UBR3: variants seen among roughly 807,000 people sequenced by gnomAD.
The protein encoded by UBR3 is ubiquitin protein ligase E3 component n-recognin 3.
UBR3 carries 85 observed loss-of-function variants against 243.2 expected under a neutral mutation model. The observed-to-expected ratio is 0.35, with a 90% CI of 0.29 to 0.42. The LOEUF (loss-of-function observed/expected upper bound fraction) is 0.42. Among genes scored for constraint, UBR3 ranks in the 10% least tolerant of loss-of-function variants. The pLI is 1.00. For synonymous variants in UBR3, 748 were observed against 799.8 expected, an observed-to-expected ratio of 0.94 and a Z score of 1.09; for missense variants, 1,686 against 2,300.8, an observed-to-expected ratio of 0.73 and a Z score of 5.47.
In UBR3 at chr2:169,928,747, C is replaced by A. The variant is rs1395508865; in HGVS notation, c.2445C>A (p.Pro815=). 1.3e-6 allele frequency: 2 copies of A among 1,489,912 alleles called. No individual in the cohort carries two copies. Among genetic ancestry groups the A allele is most frequent in the South Asian group, 2.7e-5 (2 of 75,412 alleles). The allele number at this position is 1,489,912 out of a possible 1,614,324, so 92.3% of individuals were successfully genotyped here. A position where few individuals can be genotyped will look rare whatever the true frequency, so the allele number is the denominator to read the frequency against. The change falls in exon 18 of 39, where the codon CCC becomes CCA. Residue 815 remains proline (P), a synonymous_variant. Coordinates refer to ENST00000272793, the MANE Select transcript of UBR3 (RefSeq NM_172070.4). ...ATCATATTCCAGAAAATCCTAATCC[C>A]AAAAGTGGCATTATTCCAGGCAGTT... ...LLDLIPENPN[P]KSGIIPGSYS...
At chr2:169,913,875 C>T (rs1167411679) in intron 10 of UBR3, among the ~76,000 whole-genome samples, 185 bp from the exon 11 acceptor site, 2 of 151,954 alleles carry the variant, frequency 1.3e-5, no homozygotes, top group African/African-American at 2.4e-5. Flanking sequence ...TATTGACTTA[C>T]TTAATTTTCA....
At chr2:169,976,282 T>G (rs554814306) in intron 24 of UBR3, among the ~76,000 whole-genome samples, 1 of 152,102 alleles carries the variant, frequency 6.6e-6, no homozygotes, top group Non-Finnish European at 1.5e-5. Context: ...TGTGTTTTAG[T>G]GATTTTCTGT....
chr2:169,926,582 CAAAAACAAAAAACA>C (rs140309188), intron 14 of UBR3, 96 bp from the exon 15 acceptor site: 85 of 1,133,666 alleles, frequency 7.5e-5, no homozygotes, highest in Admixed American at 3.1e-4. Context: ...GACTCTGTCT[CAAAAACAAAAAACA>C]AAAAACAAAA....
At position 169,986,700 on chromosome 2, in the gene UBR3, C is replaced by T. The variant is rs140049693; in HGVS notation, c.3690C>T (p.Ser1230=). The T allele has an allele frequency of 1.3e-4, 215 of 1,613,958 alleles. No individual in the cohort carries two copies. In the African/African-American group the frequency reaches 2.5e-3, roughly 19 times the overall value. ...MEITTAEPQV[S]EAVYDCVICG... ...TCACCACGGCAGAACCACAGGTTTC[C>T]GAGGCAGTATATGACTGTGTTATTT... Residue 1230 remains serine (S), a synonymous_variant, in exon 25 of 39, where the codon TCC becomes TCT. Coordinates refer to ENST00000272793, the MANE Select transcript of UBR3 (RefSeq NM_172070.4).
chr2:169,881,275 G>T (rs185110375), intron 5 of UBR3, among the ~76,000 whole-genome samples: 2 of 151,828 alleles, frequency 1.3e-5, no homozygotes, highest in African/African-American at 2.4e-5. Context: ...CACCTCCCGG[G>T]TTCAAGCGAT....
At chr2:169,849,102 C>T (rs554076380) in intron 1 of UBR3, among the ~76,000 whole-genome samples, 137 of 152,274 alleles carry the variant, frequency 9.0e-4, no homozygotes, top group African/African-American at 3.1e-3. Context: ...AGCCTGGGCT[C>T]CAGAGTCGGC....
intron 1 of UBR3, among the ~76,000 whole-genome samples, chr2:169,840,854 G>A (rs2082266458): frequency 6.6e-6 from 1 of 152,138 alleles, no homozygotes; most frequent in Non-Finnish European, 1.5e-5. Flanking sequence ...CAGCATCTGG[G>A]CCCACTTGAA....
intron 35 of UBR3, among the ~76,000 whole-genome samples, chr2:170,072,645 A>G (rs1247003213): frequency 6.6e-6 from 1 of 152,100 alleles, no homozygotes; most frequent in Non-Finnish European, 1.5e-5. Flanking sequence ...TTGAAGGACT[A>G]ATTATATCTG....
At chr2:169,968,563 TAC>T (rs1298084231) in intron 24 of UBR3, among the ~76,000 whole-genome samples, 1 of 152,034 alleles carries the variant, frequency 6.6e-6, no homozygotes, top group Non-Finnish European at 1.5e-5. Flanking sequence ...TTCCATTCTA[TAC>T]ACACACACAC....
intron 1 of UBR3, among the ~76,000 whole-genome samples, chr2:169,842,237 G>A (rs894936865): frequency 6.6e-6 from 1 of 152,112 alleles, no homozygotes; most frequent in Non-Finnish European, 1.5e-5. Flanking sequence ...GTATCTAGCT[G>A]CTCTCGTGGG....
intron 1 of UBR3, among the ~76,000 whole-genome samples, chr2:169,856,051 C>A (rs1486834837): frequency 6.6e-6 from 1 of 150,972 alleles, no homozygotes. Flanking sequence ...GGCTGCTGGG[C>A]GGAGGGGCTC....
At chr2:169,989,859 T>C (rs767331265) in intron 25 of UBR3, among the ~76,000 whole-genome samples, 8 of 152,200 alleles carry the variant, frequency 5.3e-5, no homozygotes, top group Non-Finnish European at 1.2e-4. Context: ...TCCATCTTTG[T>C]TCACTGAGAG....
chr2:169,877,680 A>T lies in UBR3; in HGVS notation c.988+43A>T, dbSNP rs919113251. On this transcript the variant is annotated intron_variant, in intron 4 of 38. Transcript: ENST00000272793. ...ATTTGAACAGTTGTAACTTTTCTGT[A>T]TTAAAACCAAAAAAACCTCTCAAAC... 53 of 1,501,878 alleles carry T rather than the reference A, an allele frequency of 3.5e-5. No individual in the cohort carries two copies. The East Asian group carries it at 9.8e-4, about 28-fold the overall frequency. 93.0% of individuals were successfully genotyped at this position (1,501,878 alleles called of 1,614,324 possible).
At position 169,867,685 on chromosome 2, in the gene UBR3, C is replaced by G. The variant is rs555425207; in HGVS notation, c.546-4551C>G. ...AACGAATTAGTAAAGGGAATCTTTC[C>G]TGATCTGCAAGATCAAAAACTGTTT... is the stretch of plus-strand genomic sequence containing the variant. On this transcript the variant is annotated intron_variant, in intron 1 of 38. Transcript: ENST00000272793. 2.6e-5 allele frequency among the ~76,000 whole-genome samples: 4 copies of G among 152,268 alleles called. No homozygotes were observed. The East Asian group carries it at 7.7e-4, about 29-fold the overall frequency.
intron 23 of UBR3, among the ~76,000 whole-genome samples, chr2:169,956,200 A>G (rs909685652): frequency 6.2e-5 from 4 of 64,724 alleles, no homozygotes; most frequent in African/African-American, 1.3e-4. Flanking sequence ...CCTGACACCT[A>G]TAACTCTCTC....
chr2:169,884,887 A>G (rs1441877253), intron 5 of UBR3, among the ~76,000 whole-genome samples: 1 of 152,224 alleles, frequency 6.6e-6, no homozygotes, highest in Non-Finnish European at 1.5e-5. Flanking sequence ...TAATTATTAT[A>G]GAATAGAATA....
chr2:169,953,343 A>G (rs1054371982), intron 23 of UBR3, among the ~76,000 whole-genome samples: 2 of 152,222 alleles, frequency 1.3e-5, no homozygotes, highest in African/African-American at 2.4e-5. Context: ...TAAAGGCAGA[A>G]CAGTTCATAA....
chr2:169,839,045 T>C (rs907699610), intron 1 of UBR3, among the ~76,000 whole-genome samples: 6 of 152,164 alleles, frequency 3.9e-5, no homozygotes, highest in African/African-American at 1.4e-4. Context: ...GGGAAATCAA[T>C]ATATGGAAAA....
At chr2:169,844,644 C>T (rs2082407963) in intron 1 of UBR3, among the ~76,000 whole-genome samples, 1 of 151,952 alleles carries the variant, frequency 6.6e-6, no homozygotes, top group East Asian at 1.9e-4. Flanking sequence ...CAGGTGTGCA[C>T]CACTGCGCCT....
Sources: gnomAD v4.1 joint callset for allele counts (sites outside exome capture counted in the v4.1 genomes callset) on GRCh38, gnomAD v4.1.1 for gene constraint, MANE v1.5 for transcripts, NCBI Gene and HGNC (gene_info 2026-07-23, HGNC 2026-07-21) for gene names.